The following ADAM12 variants were observed in gnomAD, a reference collection of about 807,000 sequenced individuals.
ADAM12 encodes the protein ADAM metallopeptidase domain 12, also known as disintegrin and metalloproteinase domain-containing protein 12.
Under a neutral mutation model 106.4 loss-of-function variants are expected in ADAM12, and 70 were observed. The ratio of observed to expected loss-of-function variants is 0.66; its 90% CI spans 0.54 to 0.80. The LOEUF (loss-of-function observed/expected upper bound fraction) is 0.80, where lower values mean the gene tolerates loss of function less well. ADAM12 is among the 30% of genes least tolerant of loss of function. The pLI is 0.00. For missense variants in ADAM12, 1,010 were observed against 1,171.9 expected, an observed-to-expected ratio of 0.86 and a Z score of 2.02; for synonymous variants, 420 against 433.5, an observed-to-expected ratio of 0.97 and a Z score of 0.39.
At chr10:126,054,241 C>T (rs753023665) in intron 14 of ADAM12, among the ~76,000 whole-genome samples, 3 of 152,164 alleles carry the variant, frequency 2.0e-5, no homozygotes, top group African/African-American at 4.8e-5. Context: ...GAAAGTGAAC[C>T]CTTAAAAGCT....
intron 2 of ADAM12, among the ~76,000 whole-genome samples, chr10:126,304,733 T>C (rs552483600): frequency 9.2e-5 from 14 of 151,756 alleles, no homozygotes; most frequent in African/African-American, 3.4e-4. Context: ...CCAGAATATA[T>C]AAAGAACTGT....
intron 1 of ADAM12, among the ~76,000 whole-genome samples, chr10:126,371,461 G>A (rs1056956061): frequency 3.9e-5 from 6 of 152,210 alleles, no homozygotes; most frequent in Non-Finnish European, 8.8e-5. Context: ...AGATTCAGAT[G>A]AACAATCTTA....
intron 11 of ADAM12, among the ~76,000 whole-genome samples, chr10:126,082,471 C>A (rs990477547): frequency 4.1e-5 from 6 of 146,926 alleles, no homozygotes; most frequent in Non-Finnish European, 7.4e-5. Flanking sequence ...CGGGTTCAAG[C>A]GATTCTCCTG....
chr10:126,289,090 G>C (rs1228587491), intron 2 of ADAM12, among the ~76,000 whole-genome samples: 1 of 151,996 alleles, frequency 6.6e-6, no homozygotes, highest in Admixed American at 6.5e-5. Context: ...CCCAGGGACA[G>C]GACCGTGTGG....
At chr10:126,165,877 A>T (rs560804919) in intron 3 of ADAM12, among the ~76,000 whole-genome samples, 73 of 152,320 alleles carry the variant, frequency 4.8e-4, no homozygotes, top group Non-Finnish European at 6.5e-4. Context: ...TGGGATCCTA[A>T]CTATTTAAAC....
At chr10:126,224,319 A>T (rs748388628) in intron 3 of ADAM12, among the ~76,000 whole-genome samples, 4 of 152,092 alleles carry the variant, frequency 2.6e-5, no homozygotes, top group Non-Finnish European at 5.9e-5. Flanking sequence ...GTCCCAGGAG[A>T]AAGAAGAGCT....
At position 126,039,158 on chromosome 10, in the gene ADAM12, A is replaced by G. The variant is rs979617731; in HGVS notation, c.2240+136T>C. 2.1e-5 allele frequency: 21 copies of G among 1,013,126 alleles called. No individual in the cohort carries two copies. In the African/African-American group the frequency reaches 3.3e-4, roughly 16 times the overall value. The allele number at this position is 1,013,126 out of a possible 1,614,324, so 62.8% of individuals were successfully genotyped here. A position where few individuals can be genotyped will look rare whatever the true frequency, so the allele number is the denominator to read the frequency against. On this transcript the variant is annotated intron_variant, in intron 19 of 22. Transcript: ENST00000448723. ...GTATTTTTAGTAGAGACGGGGTTTC[A>G]CCGTGGTCTCGATCTCCTGACCTCG...
At chr10:126,155,154 A>ACTT in intron 4 of ADAM12, 73 bp downstream of exon 4, 1 of 1,544,906 alleles carries the variant, frequency 6.5e-7, no homozygotes, top group Non-Finnish European at 8.9e-7. Flanking sequence ...TTTGCTCCGA[A>ACTT]TAAAATGGCT....
intron 3 of ADAM12, among the ~76,000 whole-genome samples, chr10:126,272,418 T>C (rs1476615699): frequency 6.6e-6 from 1 of 152,028 alleles, no homozygotes; most frequent in Non-Finnish European, 1.5e-5. Context: ...CTGACAATTG[T>C]TGACATGACT....
chr10:126,305,931 C>T (rs1446020362), intron 2 of ADAM12, among the ~76,000 whole-genome samples: 1 of 151,904 alleles, frequency 6.6e-6, no homozygotes, highest in Non-Finnish European at 1.5e-5. Context: ...TTTTTCTCTC[C>T]TTTTACTTGA....
At chr10:126,227,822 A>T (rs1223613722) in intron 3 of ADAM12, among the ~76,000 whole-genome samples, 2 of 152,142 alleles carry the variant, frequency 1.3e-5, no homozygotes, top group South Asian at 2.1e-4. Context: ...GGCAGAAAAA[A>T]ATGGCAATAT....
At position 126,098,473 on chromosome 10, in the gene ADAM12, G is replaced by A. The variant is rs780791925; in HGVS notation, c.939C>T (p.Ile313=). 6.3e-5 allele frequency: 101 copies of A among 1,613,936 alleles called. No individual in the cohort carries two copies. Among genetic ancestry groups the A allele is most frequent in the East Asian group, 8.9e-5 (4 of 44,878 alleles). ...ACATGCTCATGATTGGGGCCATGCC[G>A]ATGGTGGTCCCTTGGAAATAAACCC... is the stretch of plus-strand genomic sequence containing the variant. The part of the protein sequence containing the change: ...VSGVYFQGTT[I]GMAPIMSMCT... Residue 313 remains isoleucine, a synonymous_variant, in exon 10 of 23, where the codon ATC becomes ATT. Coordinates refer to ENST00000448723, the MANE Select transcript of ADAM12 (RefSeq NM_001288973.2).
At chr10:126,042,297 G>A in intron 18 of ADAM12, 2 of 1,594,032 alleles carry the variant, frequency 1.3e-6, no homozygotes, top group South Asian at 1.1e-5. Flanking sequence ...AGAACTCAGA[G>A]AAAACAGCAC....
In ADAM12 at chr10:126,053,903, C is replaced by T. The variant is rs1004423792; in HGVS notation, c.1610-4234G>A. 6.6e-6 allele frequency among the ~76,000 whole-genome samples: 1 copy of T among 152,062 alleles called. No homozygotes were observed. The highest frequency in any genetic ancestry group is 1.5e-5 in the Non-Finnish European group (1 of 68,010). On this transcript the variant is annotated intron_variant, in intron 14 of 22. Coordinates refer to ENST00000448723, the MANE Select transcript of ADAM12 (RefSeq NM_001288973.2). The surrounding 1 kb of genome is among the most constrained non-coding windows in gnomAD (Gnocchi z 4.6). Reference sequence around the variant, plus strand: ...TGTATTTTTAGTAGAGATGGGGTTTCACCATGTTGGCCAGGGTGGTCTCGA... The same window carrying T: ...TGTATTTTTAGTAGAGATGGGGTTTTACCATGTTGGCCAGGGTGGTCTCGA...
Position 126,312,550 on chromosome 10 carries a change from T to A in ADAM12, c.186+17862A>T, listed in dbSNP as rs562769900. Among the ~76,000 whole-genome samples the A allele has an allele frequency of 2.0e-5, 3 of 151,890 alleles. No homozygotes were observed. In the East Asian group the frequency reaches 5.8e-4, roughly 29 times the overall value. ...TGCCGTGTGGTCAGTGGAGTCTGGG[T>A]GGTCAGGGAAAGCTTCAGGGAGGAG... On this transcript the variant is annotated intron_variant, in intron 2 of 22. Coordinates refer to ENST00000448723, the MANE Select transcript of ADAM12 (RefSeq NM_001288973.2).
chr10:126,334,436 C>A (rs1334598033), intron 1 of ADAM12, among the ~76,000 whole-genome samples: 1 of 152,080 alleles, frequency 6.6e-6, no homozygotes, highest in East Asian at 1.9e-4. Context: ...TTTGCTTCAG[C>A]CTCAGAGTGG....
chr10:126,119,921 GA>G (rs1216714743), intron 5 of ADAM12, among the ~76,000 whole-genome samples: 3 of 152,224 alleles, frequency 2.0e-5, no homozygotes, highest in African/African-American at 7.2e-5. Context: ...GGTGCTTCCT[GA>G]TGTTGAGAGA....
In ADAM12 at chr10:126,316,783, CA is replaced by C. The variant is rs376131530; in HGVS notation, c.186+13628del. 6.7e-3 allele frequency among the ~76,000 whole-genome samples: 553 copies of C among 82,730 alleles called. 2 individuals are homozygous for C. The highest frequency in any genetic ancestry group is 0.027 in the Middle Eastern group (3 of 112). 54.3% of individuals were successfully genotyped at this position (82,730 alleles called of 152,430 possible). A position where few individuals can be genotyped will look rare whatever the true frequency, so the allele number is the denominator to read the frequency against. On this transcript the variant is annotated intron_variant, in intron 2 of 22. Transcript: ENST00000448723. ...TTGGTGACAGAGTGAGACCCTATCT[CA>C]AAAAAAAAAAAAAAAAAGAAAAGAA...
At chr10:126,196,993 G>A (rs1957608747) in intron 3 of ADAM12, among the ~76,000 whole-genome samples, 1 of 152,206 alleles carries the variant, frequency 6.6e-6, no homozygotes, top group Non-Finnish European at 1.5e-5. Context: ...GGCCTTGGAA[G>A]CCGGGCTGAC....
Sources: gnomAD v4.1 joint callset for allele counts (sites outside exome capture counted in the v4.1 genomes callset) on GRCh38, gnomAD v4.1.1 for gene constraint, Gnocchi (gnomAD v3.1) non-coding constraint, MANE v1.5 for transcripts, NCBI Gene and HGNC (gene_info 2026-07-23, HGNC 2026-07-21) for gene names.